The following SETD6 variants were observed in gnomAD, a reference collection of about 807,000 sequenced individuals.
SETD6 encodes SET domain containing 6, protein lysine methyltransferase, also known as N-lysine methyltransferase SETD6.
A neutral mutation model predicts 52.7 loss-of-function variants in SETD6; 67 were observed. That is an observed-to-expected ratio of 1.27 (90% CI 1.04 to 1.56). SETD6 has a LOEUF of 1.56. SETD6 is among the 40% of genes most tolerant of loss of function. The probability of loss-of-function intolerance (pLI) is 0.00; values close to 1 mark genes in which losing one functional copy is unlikely to be tolerated. For synonymous variants in SETD6, 307 were observed against 250.2 expected (o/e 1.23, Z -2.14); for missense variants, 712 against 607.5 (o/e 1.17, Z -1.81).
In SETD6 at chr16:58,516,922, C is replaced by T. The variant is rs2039182283; in HGVS notation, c.786C>T (p.Tyr262=). The T allele has an allele frequency of 6.2e-7, 1 of 1,614,190 alleles. No individual in the cohort carries two copies. The highest frequency in any genetic ancestry group is 8.5e-7 in the Non-Finnish European group (1 of 1,180,040). ...CCAATCACAACGCCAATCTAGAATA[C>T]TCTGCGGTGAGTGGAGTTTCTCTTG... The part of the protein sequence containing the change: ...HLANHNANLE[Y]SANCLRMVAT... The change falls in exon 5 of 8, where the codon TAC becomes TAT. Residue 262 remains tyrosine (Y), a synonymous_variant. Coordinates refer to ENST00000219315, the MANE Select transcript of SETD6 (RefSeq NM_001160305.4).
rs1241458663 is a variant in SETD6 at position 58,522,007 on chromosome 16, G to A, written c.*2978G>A. On this transcript the variant is annotated 3_prime_UTR_variant, in exon 8 of 8. Transcript: ENST00000219315. ...GCTCACTCTCAATAAAAAGGAAACAGAAAATAAGAATTAAGTATTCTAACA... is the reference window on the plus strand; with the variant it reads ...GCTCACTCTCAATAAAAAGGAAACAAAAAATAAGAATTAAGTATTCTAACA... Among the ~76,000 whole-genome samples, 1 of 150,948 alleles carries A rather than the reference G, an allele frequency of 6.6e-6. No homozygotes were observed. Among genetic ancestry groups the A allele is most frequent in the African/African-American group, 2.4e-5 (1 of 41,064 alleles).
In SETD6 at chr16:58,521,072, A is replaced by G; in HGVS notation, c.*2043A>G. The G allele has an allele frequency of 6.2e-7, 1 of 1,614,002 alleles. No individual in the cohort carries two copies. The highest frequency in any genetic ancestry group is 8.5e-7 in the Non-Finnish European group (1 of 1,179,922). On this transcript the variant is annotated 3_prime_UTR_variant, in exon 8 of 8. Coordinates refer to ENST00000219315, the MANE Select transcript of SETD6 (RefSeq NM_001160305.4). ...AAGACAGTTACAAATCTCTGATTAA[A>G]GAGTAGGCCTAACAATACCTTGCAT... is the stretch of plus-strand genomic sequence containing the variant.
rs1406765472 is a variant in SETD6 at position 58,520,040 on chromosome 16, A to G, written c.*1011A>G. 6.6e-6 allele frequency: 1 copy of G among 152,258 alleles called. No individual in the cohort carries two copies. The highest frequency in any genetic ancestry group is 1.9e-4 in the East Asian group (1 of 5,202). The allele number at this position is 152,258 out of a possible 1,614,324, so 9.4% of individuals were successfully genotyped here. ...AGCCCAGGAAAAGGCTACAAAATAC[A>G]ACACAGGGACCAATACATTTGCAAA... On this transcript the variant is annotated 3_prime_UTR_variant, in exon 8 of 8. Transcript: ENST00000219315.
chr16:58,523,074 C>T lies in SETD6; in HGVS notation c.*4045C>T, dbSNP rs569984055. On this transcript the variant is annotated 3_prime_UTR_variant, in exon 8 of 8. Coordinates refer to ENST00000219315, the MANE Select transcript of SETD6 (RefSeq NM_001160305.4). ...CAGCCTGGCCAACATGGTGAAACCC[C>T]GTCTCTACTAAAATACAAAAATTAG... 5.7e-5 allele frequency: 10 copies of T among 175,520 alleles called. No homozygotes were observed. The highest frequency in any genetic ancestry group is 1.7e-4 in the African/African-American group (7 of 42,306). The allele number at this position is 175,520 out of a possible 1,614,324, so 10.9% of individuals were successfully genotyped here.
At position 58,518,062 on chromosome 16, in the gene SETD6, G is replaced by A; in HGVS notation, c.804G>A (p.Arg268=). The A allele has an allele frequency of 3.1e-6, 5 of 1,614,160 alleles. No homozygotes were observed. The highest frequency in any genetic ancestry group is 4.2e-6 in the Non-Finnish European group (5 of 1,180,040). The change falls in exon 6 of 8, where the codon CGG becomes CGA. Residue 268 remains arginine, a synonymous_variant. Transcript: ENST00000219315. ...CCCTTTCACCTCAGAATTGTCTTCG[G>A]ATGGTAGCCACTCAGCCCATTCCTA... is the stretch of plus-strand genomic sequence containing the variant. ...ANLEYSANCL[R]MVATQPIPKG...
Position 58,518,914 on chromosome 16 carries a change from G to A in SETD6, c.1307G>A (p.Gly436Asp). 1.2e-6 allele frequency: 2 copies of A among 1,614,196 alleles called. No individual in the cohort carries two copies. Among genetic ancestry groups the A allele is most frequent in the Non-Finnish European group, 1.7e-6 (2 of 1,180,034 alleles). The stretch of plus-strand genomic sequence containing the variant: ...GCCACAGACTTAAAAACTGACCAAG[G>A]TTTACTCAGTAATAAGGAAGTCTAT... ...TYATDLKTDQ[G>D]LLSNKEVYAK... Residue 436 changes from glycine to aspartate, a missense_variant, in exon 8 of 8, where the codon GGT becomes GAT. Gly to Asp is a moderately conservative substitution (Grantham distance 94). Coordinates refer to ENST00000219315, the MANE Select transcript of SETD6 (RefSeq NM_001160305.4).
rs1555492084 is a variant in SETD6, at chr16:58,519,628, G to GTATC, written c.*602_*605dup. ...TTAAGTGGGTTAAGTTTTTAAATACGTATCTACTCATTTTCTTTAAAAAAA... is the reference window on the plus strand; with the variant it reads ...TTAAGTGGGTTAAGTTTTTAAATACGTATCTATCTACTCATTTTCTTTAAAAAAA... On this transcript the variant is annotated 3_prime_UTR_variant, in exon 8 of 8. Coordinates refer to ENST00000219315, the MANE Select transcript of SETD6 (RefSeq NM_001160305.4). 9 of 145,848 alleles carry GTATC rather than the reference G, an allele frequency of 6.2e-5. No homozygotes were observed. In the South Asian group the frequency reaches 7.0e-4, roughly 11 times the overall value. 9.0% of individuals were successfully genotyped at this position (145,848 alleles called of 1,614,324 possible).
Position 58,518,886 on chromosome 16 carries a change from T to TA in SETD6, c.1280dup (p.Tyr427Ter). The TA allele has an allele frequency of 1.2e-6, 2 of 1,614,178 alleles. No individual in the cohort carries two copies. Among genetic ancestry groups the TA allele is most frequent in the Non-Finnish European group, 1.7e-6 (2 of 1,180,026 alleles). Reference protein sequence around the residue: ...QNSVLLTLQTYATDLKTDQGL... With the variant: ...QNSVLLTLQT ...CAGTGTTCTACTGACTTTGCAGACC[T>TA]ATGCCACAGACTTAAAAACTGACCA... The change falls in exon 8 of 8, where the codon TAT becomes TAAT. Residue 427 changes from tyrosine to a stop codon, truncating the protein, a stop_gained and frameshift_variant. Coordinates refer to ENST00000219315, the MANE Select transcript of SETD6 (RefSeq NM_001160305.4). LOFTEE classifies it high-confidence loss of function.
At position 58,518,234 on chromosome 16, in the gene SETD6, G is replaced by A; in HGVS notation, c.973+3G>A. 1 of 1,614,052 alleles carries A rather than the reference G, an allele frequency of 6.2e-7. No homozygotes were observed. The highest frequency in any genetic ancestry group is 2.2e-5 in the East Asian group (1 of 44,902). On this transcript the variant is annotated splice_donor_region_variant and intron_variant, in intron 6 of 7. Transcript: ENST00000219315. ...AGTTCGTGAGGCAGCATTACAGGGT[G>A]AGTGTATCATTAACTCAATATTTGA...
At position 58,520,843 on chromosome 16, in the gene SETD6, C is replaced by A. The variant is rs1380483897; in HGVS notation, c.*1814C>A. ...CCCAACAGTAGTTGGGGCAGATACC[C>A]ACAAACCAAAGGGCTGGGAAAGTCA... On this transcript the variant is annotated 3_prime_UTR_variant, in exon 8 of 8. Coordinates refer to ENST00000219315, the MANE Select transcript of SETD6 (RefSeq NM_001160305.4). 1.2e-5 allele frequency: 13 copies of A among 1,089,928 alleles called. No individual in the cohort carries two copies. In the Admixed American group the frequency reaches 2.4e-4, roughly 20 times the overall value. 67.5% of individuals were successfully genotyped at this position (1,089,928 alleles called of 1,614,324 possible).
Position 58,516,579 on chromosome 16 carries a change from T to C in SETD6, c.578T>C (p.Leu193Pro), listed in dbSNP as rs1281325235. The C allele has an allele frequency of 5.6e-6, 9 of 1,614,176 alleles. No individual in the cohort carries two copies. Among genetic ancestry groups the C allele is most frequent in the Non-Finnish European group, 7.6e-6 (9 of 1,180,022 alleles). Residue 193 changes from leucine (L) to proline (P), a missense_variant, in exon 4 of 8, where the codon CTG becomes CCG. Leu to Pro is a moderately conservative substitution (Grantham distance 98). Transcript: ENST00000219315. ...CGCAGCGAGTACCAGTCCATCGTGC[T>C]GCCCTTCATGGAAGCCCACCCCGAT... is the stretch of plus-strand genomic sequence containing the variant. ...NIRSEYQSIV[L>P]PFMEAHPDLF...
chr16:58,521,303 C>A lies in SETD6; in HGVS notation c.*2274C>A. Reference sequence around the variant, plus strand: ...AGGATGTGGCCTATTTACAATCAACCGTTCCAAGAGAACTCTGGAAAAAGG... The same window carrying A: ...AGGATGTGGCCTATTTACAATCAACAGTTCCAAGAGAACTCTGGAAAAAGG... On this transcript the variant is annotated 3_prime_UTR_variant, in exon 8 of 8. Transcript: ENST00000219315. 1 of 1,610,330 alleles carries A rather than the reference C, an allele frequency of 6.2e-7. No individual in the cohort carries two copies. Among genetic ancestry groups the A allele is most frequent in the Non-Finnish European group, 8.5e-7 (1 of 1,179,176 alleles).
At position 58,519,662 on chromosome 16, in the gene SETD6, AT is replaced by A. The variant is rs1005159878; in HGVS notation, c.*634del. The A allele has an allele frequency of 2.0e-5, 3 of 150,886 alleles. No individual in the cohort carries two copies. Among genetic ancestry groups the A allele is most frequent in the African/African-American group, 7.3e-5 (3 of 41,180 alleles). 9.3% of individuals were successfully genotyped at this position (150,886 alleles called of 1,614,324 possible). The stretch of plus-strand genomic sequence containing the variant: ...CATTTTCTTTAAAAAAAAAAAAAAA[AT>A]ACCTGGGGGAAAAGGATATTAAAAC... On this transcript the variant is annotated 3_prime_UTR_variant, in exon 8 of 8. Coordinates refer to ENST00000219315, the MANE Select transcript of SETD6 (RefSeq NM_001160305.4).
rs766858636 is a variant in SETD6, at chr16:58,516,185, A to T, written c.335-17A>T. 2 of 1,547,892 alleles carry T rather than the reference A, an allele frequency of 1.3e-6. No individual in the cohort carries two copies. The highest frequency in any genetic ancestry group is 1.7e-6 in the Non-Finnish European group (2 of 1,159,572). ...CGCGAGGCCGCGCCGGGGCGCTCAC[A>T]CCTGTGTCTTCCTCAGAGCGAGTTG... On this transcript the variant is annotated splice_polypyrimidine_tract_variant and intron_variant, in intron 2 of 7. Coordinates refer to ENST00000219315, the MANE Select transcript of SETD6 (RefSeq NM_001160305.4).
chr16:58,515,955 G>T lies in SETD6; in HGVS notation c.192G>T (p.Val64=). The T allele has an allele frequency of 6.5e-7, 1 of 1,527,666 alleles. No homozygotes were observed. 94.6% of individuals were successfully genotyped at this position (1,527,666 alleles called of 1,614,324 possible). A position where few individuals can be genotyped will look rare whatever the true frequency, so the allele number is the denominator to read the frequency against. ...RAALTSPPAQ[V]AVSRQGTVAG... ...CCCTGACCAGCCCTCCTGCTCAGGT[G>T]GCGGTCAGCCGGCAGGGCACGGTGG... Residue 64 remains valine, a synonymous_variant, in exon 2 of 8, where the codon GTG becomes GTT. Coordinates refer to ENST00000219315, the MANE Select transcript of SETD6 (RefSeq NM_001160305.4).
chr16:58,518,055 G>A lies in SETD6; in HGVS notation c.797G>A (p.Cys266Tyr), dbSNP rs144586441. The A allele has an allele frequency of 3.1e-6, 5 of 1,614,092 alleles. No homozygotes were observed. Among genetic ancestry groups the A allele is most frequent in the Non-Finnish European group, 4.2e-6 (5 of 1,180,018 alleles). Reference sequence around the variant, plus strand: ...AGCTTCTCCCTTTCACCTCAGAATTGTCTTCGGATGGTAGCCACTCAGCCC... The same window carrying A: ...AGCTTCTCCCTTTCACCTCAGAATTATCTTCGGATGGTAGCCACTCAGCCC... ...HNANLEYSAN[C>Y]LRMVATQPIP... The change falls in exon 6 of 8, where the codon TGT (cysteine) becomes TAT (tyrosine). Residue 266 changes from cysteine to tyrosine, a missense_variant. Cys to Tyr is a radical substitution (Grantham distance 194, BLOSUM62 -2). Transcript: ENST00000219315.
chr16:58,518,089 A>G lies in SETD6; in HGVS notation c.831A>G (p.Lys277=). ...TGGTAGCCACTCAGCCCATTCCTAA[A>G]GGCCATGAGATTTTCAACACTTATG... ...LRMVATQPIP[K]GHEIFNTYGQ... Residue 277 remains lysine, a synonymous_variant, in exon 6 of 8, where the codon AAA becomes AAG. Coordinates refer to ENST00000219315, the MANE Select transcript of SETD6 (RefSeq NM_001160305.4). 6.2e-7 allele frequency: 1 copy of G among 1,614,208 alleles called. No homozygotes were observed. The highest frequency in any genetic ancestry group is 8.5e-7 in the Non-Finnish European group (1 of 1,180,044).
rs758947991 is a variant in SETD6, at chr16:58,515,976, G to T, written c.213G>T (p.Thr71=). 1 of 1,536,918 alleles carries T rather than the reference G, an allele frequency of 6.5e-7. No homozygotes were observed. Among genetic ancestry groups the T allele is most frequent in the Non-Finnish European group, 8.7e-7 (1 of 1,151,558 alleles). ...PAQVAVSRQG[T]VAGYGMVARE... ...AGGTGGCGGTCAGCCGGCAGGGCACGGTGGCCGGCTACGGCATGGTGGCCC... is the reference window on the plus strand; with the variant it reads ...AGGTGGCGGTCAGCCGGCAGGGCACTGTGGCCGGCTACGGCATGGTGGCCC... Residue 71 remains threonine, a synonymous_variant, in exon 2 of 8, where the codon ACG becomes ACT. Transcript: ENST00000219315.
In SETD6 at chr16:58,520,756, G is replaced by A; in HGVS notation, c.*1727G>A. 1.7e-6 allele frequency: 1 copy of A among 576,442 alleles called. No homozygotes were observed. The highest frequency in any genetic ancestry group is 2.3e-5 in the South Asian group (1 of 44,048). The allele number at this position is 576,442 out of a possible 1,614,324, so 35.7% of individuals were successfully genotyped here. ...TATTCACAGCATCTTCTAAATTTTG[G>A]CCAAGAGTCAAAAAAATGCATTTAA... On this transcript the variant is annotated 3_prime_UTR_variant, in exon 8 of 8. Coordinates refer to ENST00000219315, the MANE Select transcript of SETD6 (RefSeq NM_001160305.4).
Sources: gnomAD v4.1 joint callset for allele counts (sites outside exome capture counted in the v4.1 genomes callset) on GRCh38, gnomAD v4.1.1 for gene constraint, MANE v1.5 for transcripts, NCBI Gene and HGNC (gene_info 2026-07-23, HGNC 2026-07-21) for gene names.